ZNF680: variants seen among roughly 807,000 people sequenced by gnomAD.
ZNF680 encodes zinc finger protein 680, also known as hypothetical protein FLJ90430.
ZNF680 carries 6 observed loss-of-function variants against 12.1 expected under a neutral mutation model. That is an observed-to-expected ratio of 0.49 (90% confidence interval 0.27 to 0.98). The LOEUF (loss-of-function observed/expected upper bound fraction) is 0.98. Among genes scored for constraint, ZNF680 ranks in the 50% least tolerant of loss-of-function variants. ZNF680 has a pLI of 0.12. For synonymous variants in ZNF680, 170 were observed against 199.3 expected (o/e 0.85, Z 1.24); for missense variants, 561 against 616.3 (o/e 0.91, Z 0.95).
chr7:64,524,838 AAAATG>A (rs1421281114), intron 3 of ZNF680: 3 of 152,212 alleles, frequency 2.0e-5, no homozygotes, highest in Admixed American at 6.5e-5. Flanking sequence ...TTCTATGACC[AAAATG>A]AAATGAGTAT....
At chr7:64,534,155 A>AT (rs1394670746) in intron 3 of ZNF680, among the ~76,000 whole-genome samples, 1 of 152,174 alleles carries the variant, frequency 6.6e-6, no homozygotes, top group Non-Finnish European at 1.5e-5. Context: ...AAAAACAAAG[A>AT]TAAATAGCTG....
Position 64,521,301 on chromosome 7 carries a change from C to A in ZNF680, c.1453G>T (p.Ala485Ser), listed in dbSNP as rs867897241. ...ATLANHKRIH[A>S]REKPYKCEEC... is the part of the protein sequence containing the mutation. Reference sequence around the variant, plus strand: ...TCACATTTGTAGGGTTTCTCTCTAGCATGAATTCTCTTATGATTAGCAAGA... The same window carrying A: ...TCACATTTGTAGGGTTTCTCTCTAGAATGAATTCTCTTATGATTAGCAAGA... Residue 485 changes from alanine to serine, a missense_variant, in exon 4 of 4, where the codon GCT becomes TCT. Coordinates refer to ENST00000309683, the MANE Select transcript of ZNF680 (RefSeq NM_178558.5). The A allele has an allele frequency of 1.3e-6, 2 of 1,578,358 alleles. No individual in the cohort carries two copies. Among genetic ancestry groups the A allele is most frequent in the East Asian group, 2.3e-5 (1 of 42,964 alleles).
chr7:64,514,630 CATT>C, the ZNF680 span, among the ~76,000 whole-genome samples: 1 of 152,120 alleles, frequency 6.6e-6, no homozygotes, highest in Non-Finnish European at 1.5e-5. Context: ...ACTCACCACT[CATT>C]AATAAAACTC....
chr7:64,521,865 C>T lies in ZNF680; in HGVS notation c.889G>A (p.Asp297Asn), dbSNP rs763568350. The T allele has an allele frequency of 6.2e-6, 10 of 1,613,370 alleles. No homozygotes were observed. The highest frequency in any genetic ancestry group is 3.3e-5 in the Admixed American group (2 of 59,962). The change falls in exon 4 of 4, where the codon GAT (aspartate) becomes AAT (asparagine). Residue 297 changes from aspartate (D) to asparagine (N), a missense_variant. Asp to Asn is a conservative substitution (Grantham distance 23). Transcript: ENST00000309683. ...IHTGDKPYKC[D>N]ECHKAFNWFA... ...CAGTTAAAGGCTTTGTGACATTCAT[C>T]ACATTTGTAAGGTTTGTCTCCAGTA... is the stretch of plus-strand genomic sequence containing the variant.
chr7:64,545,507 T>A (rs1786744040), intron 1 of ZNF680, among the ~76,000 whole-genome samples: 1 of 152,138 alleles, frequency 6.6e-6, no homozygotes, highest in African/African-American at 2.4e-5. Context: ...ATCATTAACA[T>A]CAACTGCACT....
At chr7:64,504,654 T>C in the ZNF680 span, among the ~76,000 whole-genome samples, 1 of 152,180 alleles carries the variant, frequency 6.6e-6, no homozygotes, top group Non-Finnish European at 1.5e-5. Context: ...GTGCCCAGTA[T>C]TCACCCTGAG....
At chr7:64,551,078 T>G (rs914977816) in intron 1 of ZNF680, among the ~76,000 whole-genome samples, 2 of 152,088 alleles carry the variant, frequency 1.3e-5, no homozygotes, top group Non-Finnish European at 2.9e-5. Flanking sequence ...AGCCCATGAG[T>G]AGAAAAACTT....
At chr7:64,503,050 T>C in the ZNF680 span, among the ~76,000 whole-genome samples, 1 of 152,036 alleles carries the variant, frequency 6.6e-6, no homozygotes, top group Non-Finnish European at 1.5e-5. Context: ...TCCATAGTCA[T>C]TGAATTAAAT....
chr7:64,558,617 G>T (rs1243608491), intron 1 of ZNF680, among the ~76,000 whole-genome samples: 1 of 152,132 alleles, frequency 6.6e-6, no homozygotes, highest in Non-Finnish European at 1.5e-5. Flanking sequence ...AGACGGAAGG[G>T]GATTGGGAGG....
chr7:64,521,978 A>G lies in ZNF680; in HGVS notation c.776T>C (p.Ile259Thr), dbSNP rs750425776. Residue 259 changes from isoleucine (I) to threonine (T), a missense_variant, in exon 4 of 4, where the codon ATT becomes ACT. Transcript: ENST00000309683. ...TTTGAAGGGTTTCTCTTCAATATGA[A>G]TTTTCTTATGTTTAATAAGGGTTGA... Reference protein sequence around the residue: ...QSSTLIKHKKIHIEEKPFKCE... With the variant: ...QSSTLIKHKKTHIEEKPFKCE... The G allele has an allele frequency of 5.0e-6, 8 of 1,612,448 alleles. No homozygotes were observed. The highest frequency in any genetic ancestry group is 6.8e-6 in the Non-Finnish European group (8 of 1,179,446).
chr7:64,526,148 C>T, intron 3 of ZNF680: 2 of 913,444 alleles, frequency 2.2e-6, no homozygotes, highest in Non-Finnish European at 2.6e-6. Flanking sequence ...TTATTGGACA[C>T]CATCAAGTAC....
Position 64,544,437 on chromosome 7 carries a change from A to G in ZNF680, c.31-5T>C. On this transcript the variant is annotated splice_region_variant and splice_polypyrimidine_tract_variant and intron_variant, in intron 1 of 3. Transcript: ENST00000309683. ...ATCCCTAAATGTCAGTGGTCCCTGA[A>G]AAACACACACACACACACACACACA... 6.4e-7 allele frequency: 1 copy of G among 1,555,924 alleles called. No homozygotes were observed. The highest frequency in any genetic ancestry group is 2.3e-5 in the East Asian group (1 of 42,576).
At chr7:64,510,920 AAT>A in the ZNF680 span, among the ~76,000 whole-genome samples, 1 of 53,416 alleles carries the variant, frequency 1.9e-5, no homozygotes, top group African/African-American at 1.3e-4. Context: ...AAAAAAAAAA[AAT>A]AAAAAATAAA....
At position 64,563,050 on chromosome 7, in the gene ZNF680, A is replaced by T; in HGVS notation, c.-96T>A. On this transcript the variant is annotated 5_prime_UTR_variant, in exon 1 of 4. Transcript: ENST00000309683. Reference sequence around the variant, plus strand: ...ACAGAGCAGTAAAGACTAGACCTGGAGCTCCCGCAGCAGCTAGAGACAAAG... The same window carrying T: ...ACAGAGCAGTAAAGACTAGACCTGGTGCTCCCGCAGCAGCTAGAGACAAAG... 1 of 1,436,686 alleles carries T rather than the reference A, an allele frequency of 7.0e-7. No individual in the cohort carries two copies. Among genetic ancestry groups the T allele is most frequent in the Non-Finnish European group, 9.7e-7 (1 of 1,029,502 alleles). 89.0% of individuals were successfully genotyped at this position (1,436,686 alleles called of 1,614,324 possible). A position where few individuals can be genotyped will look rare whatever the true frequency, so the allele number is the denominator to read the frequency against.
Position 64,562,984 on chromosome 7 carries a change from A to G in ZNF680, c.-30T>C, listed in dbSNP as rs1584421627. 3.1e-6 allele frequency: 5 copies of G among 1,613,040 alleles called. No homozygotes were observed. Among genetic ancestry groups the G allele is most frequent in the Middle Eastern group, 1.7e-4 (1 of 6,056 alleles). On this transcript the variant is annotated 5_prime_UTR_variant, in exon 1 of 4. Coordinates refer to ENST00000309683, the MANE Select transcript of ZNF680 (RefSeq NM_178558.5). ...GCTGTGCATCTCCCAATACCTGCAG[A>G]TAACGGAGTCACAGAGGCTGGGCCT...
chr7:64,537,752 C>T (rs560121124), intron 3 of ZNF680, among the ~76,000 whole-genome samples: 90 of 147,214 alleles, frequency 6.1e-4, no homozygotes, highest in African/African-American at 1.6e-3. Context: ...ACAGTGAAAC[C>T]CTGTCTCTAC....
At chr7:64,562,140 G>C (rs1211560764) in intron 1 of ZNF680, among the ~76,000 whole-genome samples, 3 of 150,030 alleles carry the variant, frequency 2.0e-5, no homozygotes. Flanking sequence ...GCTGAGACAG[G>C]AGAATCACTT....
chr7:64,546,027 T>C (rs149272741), intron 1 of ZNF680, among the ~76,000 whole-genome samples: 8 of 152,284 alleles, frequency 5.3e-5, no homozygotes, highest in African/African-American at 1.9e-4. Context: ...AAGGCTCTGG[T>C]ACACAGGAAA....
At chr7:64,532,453 G>A (rs1217471775) in intron 3 of ZNF680, among the ~76,000 whole-genome samples, 1 of 152,114 alleles carries the variant, frequency 6.6e-6, no homozygotes, top group East Asian at 1.9e-4. Flanking sequence ...AAACCTAGAA[G>A]AGATGAATAA....
Sources: allele counts gnomAD v4.1 joint callset (sites outside exome capture counted in the v4.1 genomes callset), GRCh38; gene constraint gnomAD v4.1.1; transcripts MANE v1.5; gene names NCBI Gene and HGNC (gene_info 2026-07-23, HGNC 2026-07-21).